The following CCDC92B variants were observed in gnomAD, a reference collection of about 807,000 sequenced individuals.
CCDC92B encodes the protein coiled-coil domain containing 92B.
In CCDC92B, 2 loss-of-function variants were observed where a neutral mutation model predicts 5.6. The observed-to-expected ratio is 0.36, with a 90% confidence interval of 0.15 to 1.12. CCDC92B has a LOEUF of 1.12. CCDC92B is among the 50% of genes most tolerant of loss of function. CCDC92B has a pLI of 0.40. For missense variants in CCDC92B, 271 were observed against 262.2 expected, an observed-to-expected ratio of 1.03 and a Z score of -0.23; for synonymous variants, 115 against 122.3, an observed-to-expected ratio of 0.94 and a Z score of 0.39.
chr17:2,729,336 AC>A (rs1452534129), intron 3 of CCDC92B, among the ~76,000 whole-genome samples: 1 of 152,052 alleles, frequency 6.6e-6, no homozygotes, highest in Non-Finnish European at 1.5e-5. Context: ...ACTAAGAAAT[AC>A]AAAAAATTAG....
intron 1 of CCDC92B, among the ~76,000 whole-genome samples, chr17:2,740,987 A>AG (rs2070920356): frequency 6.6e-6 from 1 of 151,348 alleles, no homozygotes; most frequent in Admixed American, 6.6e-5. Context: ...AAAAAAAAAA[A>AG]AAAAAGAGCC....
At chr17:2,731,111 T>G (rs2070790906) in intron 2 of CCDC92B, among the ~76,000 whole-genome samples, 1 of 152,182 alleles carries the variant, frequency 6.6e-6, no homozygotes, top group Non-Finnish European at 1.5e-5. Context: ...GAGAAGGGCT[T>G]CGAGCAGGAC....
intron 2 of CCDC92B, among the ~76,000 whole-genome samples, chr17:2,732,870 G>A (rs1317596528): frequency 2.7e-5 from 4 of 150,782 alleles, no homozygotes; most frequent in East Asian, 2.0e-4. Context: ...AAAATTAGCC[G>A]GGCGTGTTGG....
intron 1 of CCDC92B, among the ~76,000 whole-genome samples, chr17:2,747,904 T>G (rs1316311942): frequency 6.6e-6 from 1 of 152,154 alleles, no homozygotes; most frequent in Non-Finnish European, 1.5e-5. Context: ...TCTTAGCATT[T>G]TACATATATT....
At chr17:2,725,065 CAG>C in intron 3 of CCDC92B, 65 bp from the exon 4 acceptor site, 1 of 984,552 alleles carries the variant, frequency 1.0e-6, no homozygotes, top group African/African-American at 1.8e-5. Context: ...CTGCACGGCT[CAG>C]AGCTCCGTGT....
intron 1 of CCDC92B, among the ~76,000 whole-genome samples, chr17:2,741,367 G>A (rs1160102601): frequency 1.3e-5 from 2 of 152,090 alleles, no homozygotes; most frequent in South Asian, 2.1e-4. Context: ...TTCACATGGC[G>A]TCTTGAAAAC....
Position 2,723,975 on chromosome 17 carries a change from G to C in CCDC92B, c.*436C>G. 2.1e-6 allele frequency: 2 copies of C among 958,668 alleles called. No homozygotes were observed. Among genetic ancestry groups the C allele is most frequent in the Non-Finnish European group, 2.5e-6 (2 of 806,914 alleles). The allele number at this position is 958,668 out of a possible 1,614,324, so 59.4% of individuals were successfully genotyped here. On this transcript the variant is annotated 3_prime_UTR_variant, in exon 4 of 4. Coordinates refer to ENST00000614400, the MANE Select transcript of CCDC92B (RefSeq NM_001355573.2). ...GAAGGGCGTCGGCGCGGGGGTGGGG[G>C]AGGCGGGGGGTGGGGAGCTAGAGGG... is the stretch of plus-strand genomic sequence containing the variant.
chr17:2,744,436 C>T (rs76734554), intron 1 of CCDC92B, among the ~76,000 whole-genome samples: 4,251 of 151,718 alleles, frequency 0.028, 174 homozygotes, highest in African/African-American at 0.092. Flanking sequence ...AGCAGTCTTC[C>T]GGCTTTGGCA....
intron 3 of CCDC92B, among the ~76,000 whole-genome samples, chr17:2,728,265 C>T (rs1461011897): frequency 6.7e-6 from 1 of 149,230 alleles, no homozygotes; most frequent in Non-Finnish European, 1.5e-5. Context: ...TTGCAGTGAG[C>T]AGAGATGGTG....
chr17:2,732,092 G>A (rs1475855136), intron 2 of CCDC92B, among the ~76,000 whole-genome samples: 2 of 152,188 alleles, frequency 1.3e-5, no homozygotes, highest in Non-Finnish European at 2.9e-5. Context: ...AAAACAGCGG[G>A]CTTGGCCCAG....
At chr17:2,746,746 C>T (rs2070991574) in intron 1 of CCDC92B, among the ~76,000 whole-genome samples, 3 of 152,150 alleles carry the variant, frequency 2.0e-5, no homozygotes, top group Admixed American at 6.5e-5. Flanking sequence ...TCTTGGCTCA[C>T]TGCAACCTCC....
intron 1 of CCDC92B, among the ~76,000 whole-genome samples, chr17:2,747,151 G>A (rs529169012): frequency 6.6e-6 from 1 of 152,198 alleles, no homozygotes; most frequent in Non-Finnish European, 1.5e-5. Flanking sequence ...CTTGTGACCT[G>A]CTTGCCTGGG....
rs1316850172 is a variant in CCDC92B at position 2,724,314 on chromosome 17, C to A, written c.*97G>T. 3.0e-6 allele frequency: 3 copies of A among 985,278 alleles called. No individual in the cohort carries two copies. The highest frequency in any genetic ancestry group is 1.7e-5 in the African/African-American group (1 of 57,316). The allele number at this position is 985,278 out of a possible 1,614,324, so 61.0% of individuals were successfully genotyped here. A position where few individuals can be genotyped will look rare whatever the true frequency, so the allele number is the denominator to read the frequency against. ...CTCGCCCCGCTTCCTGGAGGAGGGG[C>A]GGCTGCCCTCCGACCCGGGACCTGC... On this transcript the variant is annotated 3_prime_UTR_variant, in exon 4 of 4. Coordinates refer to ENST00000614400, the MANE Select transcript of CCDC92B (RefSeq NM_001355573.2). This position sits in a 1 kb window ranked among gnomAD's most constrained non-coding sequence, Gnocchi z 5.0.
chr17:2,743,806 C>T (rs1427730559), intron 1 of CCDC92B, among the ~76,000 whole-genome samples: 8 of 152,190 alleles, frequency 5.3e-5, no homozygotes, highest in Non-Finnish European at 8.8e-5. Context: ...ACTCTGCATT[C>T]CCTTAATCTG....
At chr17:2,738,047 A>ACACTG (rs2070876150) in intron 1 of CCDC92B, among the ~76,000 whole-genome samples, 1 of 151,766 alleles carries the variant, frequency 6.6e-6, no homozygotes, top group Non-Finnish European at 1.5e-5. Context: ...ACGAATATTT[A>ACACTG]CACTGGGAAC....
intron 2 of CCDC92B, among the ~76,000 whole-genome samples, chr17:2,732,630 T>TGG (rs2070806824): frequency 6.6e-6 from 1 of 151,896 alleles, no homozygotes; most frequent in Non-Finnish European, 1.5e-5. Context: ...GGCAGGAGAA[T>TGG]TGCTTGAACC....
At chr17:2,737,857 A>G (rs1419210634) in intron 1 of CCDC92B, among the ~76,000 whole-genome samples, 2 of 151,826 alleles carry the variant, frequency 1.3e-5, no homozygotes, top group African/African-American at 4.9e-5. Flanking sequence ...ACCATCTGCT[A>G]TGTTCAGGGA....
chr17:2,742,227 G>A lies in CCDC92B; in HGVS notation c.-23-7059C>T, dbSNP rs928110874. 2.6e-5 allele frequency among the ~76,000 whole-genome samples: 4 copies of A among 152,026 alleles called. No homozygotes were observed. In the East Asian group the frequency reaches 5.8e-4, roughly 22 times the overall value. ...GCTGGGACCACAGGCTCGTGCCCCC[G>A]TGCCCGGCTAATTTTTCACTTTTGT... On this transcript the variant is annotated intron_variant, in intron 1 of 3. Transcript: ENST00000614400.
chr17:2,724,104 C>A lies in CCDC92B; in HGVS notation c.*307G>T. The A allele has an allele frequency of 4.1e-6, 4 of 985,320 alleles. No individual in the cohort carries two copies. The highest frequency in any genetic ancestry group is 1.7e-5 in the African/African-American group (1 of 57,352). The allele number at this position is 985,320 out of a possible 1,614,324, so 61.0% of individuals were successfully genotyped here. On this transcript the variant is annotated 3_prime_UTR_variant, in exon 4 of 4. Coordinates refer to ENST00000614400, the MANE Select transcript of CCDC92B (RefSeq NM_001355573.2). This position sits in a 1 kb window ranked among gnomAD's most constrained non-coding sequence, Gnocchi z 5.0. ...TTCCCGGGGAAGGGCGTGGCCCCCGCCCCTCCTGTCTCACAGGCAGGTGGG... is the reference window on the plus strand; with the variant it reads ...TTCCCGGGGAAGGGCGTGGCCCCCGACCCTCCTGTCTCACAGGCAGGTGGG...
Sources: allele counts gnomAD v4.1 joint callset (sites outside exome capture counted in the v4.1 genomes callset), GRCh38; gene constraint gnomAD v4.1.1; non-coding constraint Gnocchi (gnomAD v3.1); transcripts MANE v1.5; gene names NCBI Gene and HGNC (gene_info 2026-07-23, HGNC 2026-07-21).